PPP2R2B: variants seen among roughly 807,000 people sequenced by gnomAD.
PPP2R2B encodes the protein protein phosphatase 2 regulatory subunit Bbeta, also known as serine/threonine-protein phosphatase 2A 55 kDa regulatory subunit B beta isoform.
Under a neutral mutation model 46.0 loss-of-function variants are expected in PPP2R2B, and 5 were observed. That is an observed-to-expected ratio of 0.11 (90% CI 0.06 to 0.23). PPP2R2B has a LOEUF of 0.23. Among genes scored for constraint, PPP2R2B ranks in the 10% least tolerant of loss-of-function variants. The pLI is 1.00. For synonymous variants in PPP2R2B, 215 were observed against 206.7 expected (o/e 1.04, Z -0.34); for missense variants, 367 against 575.0 (o/e 0.64, Z 3.70).
At chr5:146,640,617 G>A (rs1014262991) in intron 6 of PPP2R2B, among the ~76,000 whole-genome samples, 7 of 152,202 alleles carry the variant, frequency 4.6e-5, no homozygotes, top group Non-Finnish European at 8.8e-5. Flanking sequence ...TCCAAATAGG[G>A]AAAGAAAATC....
At chr5:146,841,059 C>T (rs796707034) in intron 2 of PPP2R2B, among the ~76,000 whole-genome samples, 4 of 151,964 alleles carry the variant, frequency 2.6e-5, no homozygotes, top group African/African-American at 9.7e-5. Context: ...GTAACAAAGT[C>T]AAGGAGACTT....
chr5:147,015,587 G>A (rs940962050), intron 1 of PPP2R2B, among the ~76,000 whole-genome samples: 5 of 151,490 alleles, frequency 3.3e-5, no homozygotes, highest in Non-Finnish European at 5.9e-5. Flanking sequence ...TGAGTCTTAC[G>A]GTTGGCTGAC....
At chr5:146,656,609 A>G (rs1402129812) in intron 5 of PPP2R2B, 1 of 152,300 alleles carries the variant, frequency 6.6e-6, no homozygotes, top group Admixed American at 6.5e-5. Flanking sequence ...AGCATAGGGC[A>G]CTACAGCCCA....
chr5:146,696,173 G>C (rs375099200), intron 4 of PPP2R2B, among the ~76,000 whole-genome samples: 2 of 150,750 alleles, frequency 1.3e-5, no homozygotes, highest in South Asian at 2.1e-4. Flanking sequence ...GAGTGATCTC[G>C]GCTTACTCCA....
chr5:147,081,006 A>G, intron 2 of PPP2R2B: 1 of 1,481,130 alleles, frequency 6.8e-7, no homozygotes. Context: ...TAATTTTGAA[A>G]TCAGCACAAA....
At chr5:146,692,805 A>G (rs1483245638) in intron 4 of PPP2R2B, among the ~76,000 whole-genome samples, 1 of 152,136 alleles carries the variant, frequency 6.6e-6, no homozygotes, top group Non-Finnish European at 1.5e-5. Flanking sequence ...AAGTGCTGGG[A>G]TTACAGGCGG....
intron 1 of PPP2R2B, among the ~76,000 whole-genome samples, chr5:147,025,469 A>G (rs1311991503): frequency 6.6e-6 from 1 of 152,002 alleles, no homozygotes; most frequent in African/African-American, 2.4e-5. Context: ...CAAATAAAAA[A>G]AAAACCCCGA....
At chr5:146,637,973 A>G (rs1010628615) in intron 7 of PPP2R2B, among the ~76,000 whole-genome samples, 5 of 152,352 alleles carry the variant, frequency 3.3e-5, no homozygotes, top group African/African-American at 9.6e-5. Context: ...GGCAGCAAGC[A>G]TGATTTCCTT....
At chr5:146,849,089 T>C (rs957447738) in intron 2 of PPP2R2B, among the ~76,000 whole-genome samples, 4 of 152,136 alleles carry the variant, frequency 2.6e-5, no homozygotes, top group South Asian at 2.1e-4. Context: ...TCCAGACTCA[T>C]ATACTTCCTT....
At chr5:147,042,602 C>G (rs1476283517) in intron 1 of PPP2R2B, among the ~76,000 whole-genome samples, 2 of 152,102 alleles carry the variant, frequency 1.3e-5, no homozygotes, top group Non-Finnish European at 2.9e-5. Context: ...ATTCATCCAA[C>G]AAAGATTTAT....
At chr5:146,892,130 C>A (rs1762509033) in intron 1 of PPP2R2B, among the ~76,000 whole-genome samples, 1 of 152,178 alleles carries the variant, frequency 6.6e-6, no homozygotes, top group Non-Finnish European at 1.5e-5. Context: ...CCTATGCAAA[C>A]CCTACCTATC....
chr5:146,998,030 C>T (rs1754000382), intron 1 of PPP2R2B, among the ~76,000 whole-genome samples: 2 of 152,298 alleles, frequency 1.3e-5, no homozygotes, highest in Admixed American at 1.3e-4. Flanking sequence ...ATCTCTGCCT[C>T]CCACTCCTTC....
chr5:146,872,117 A>G (rs893754072), intron 2 of PPP2R2B, among the ~76,000 whole-genome samples: 5 of 152,190 alleles, frequency 3.3e-5, no homozygotes, highest in Admixed American at 1.3e-4. Context: ...ATATTTTGAC[A>G]GGACTGGCCT....
At chr5:146,807,429 C>T (rs1055432263) in intron 2 of PPP2R2B, among the ~76,000 whole-genome samples, 1 of 152,176 alleles carries the variant, frequency 6.6e-6, no homozygotes. Context: ...TCACAAAGCT[C>T]ACCAACACTG....
chr5:146,996,785 CATT>C (rs1158590688), intron 1 of PPP2R2B, among the ~76,000 whole-genome samples: 3 of 152,056 alleles, frequency 2.0e-5, no homozygotes, highest in Non-Finnish European at 4.4e-5. Context: ...TGGATGGTGT[CATT>C]AACAGCAAGG....
At chr5:146,960,876 T>C (rs764872024) in intron 1 of PPP2R2B, among the ~76,000 whole-genome samples, 9 of 152,198 alleles carry the variant, frequency 5.9e-5, no homozygotes, top group South Asian at 4.1e-4. Context: ...TCCTCCCTGA[T>C]GCTTTAATTT....
chr5:146,990,800 A>G (rs1033037980), intron 1 of PPP2R2B, among the ~76,000 whole-genome samples: 4 of 152,126 alleles, frequency 2.6e-5, no homozygotes, highest in African/African-American at 4.8e-5. Context: ...GTTGTTGCAA[A>G]CTATGCATCT....
At chr5:147,080,652 G>A (rs917466948) in intron 2 of PPP2R2B, among the ~76,000 whole-genome samples, 2 of 152,190 alleles carry the variant, frequency 1.3e-5, no homozygotes, top group African/African-American at 2.4e-5. Context: ...CATATGACTA[G>A]ACTTGACTTC....
chr5:147,017,077 T>TA (rs996321736), intron 1 of PPP2R2B, among the ~76,000 whole-genome samples: 1 of 151,352 alleles, frequency 6.6e-6, no homozygotes, highest in Non-Finnish European at 1.5e-5. Flanking sequence ...AATACAAGAA[T>TA]AAAGGCAAAC....
Sources: gnomAD v4.1 joint callset for allele counts (sites outside exome capture counted in the v4.1 genomes callset) on GRCh38, gnomAD v4.1.1 for gene constraint, MANE v1.5 for transcripts, NCBI Gene and HGNC (gene_info 2026-07-23, HGNC 2026-07-21) for gene names.